Variants in THTPA observed in about 807,000 individuals in gnomAD.
The protein encoded by THTPA is thiamine triphosphatase.
THTPA carries 16 observed loss-of-function variants against 16.5 expected under a neutral mutation model. The ratio of observed to expected loss-of-function variants is 0.97; its 90% confidence interval spans 0.66 to 1.47. The LOEUF (loss-of-function observed/expected upper bound fraction) is 1.47. THTPA is among the 40% of genes most tolerant of loss of function. The probability of loss-of-function intolerance (pLI) is 0.00; values close to 1 mark genes in which losing one functional copy is unlikely to be tolerated. For missense variants in THTPA, 281 were observed against 280.9 expected, an observed-to-expected ratio of 1.00 and a Z score of 0.00; for synonymous variants, 110 against 115.5, an observed-to-expected ratio of 0.95 and a Z score of 0.30.
the THTPA span, chr14:23,525,628 A>C: frequency 8.5e-6 from 13 of 1,535,824 alleles, no homozygotes; most frequent in South Asian, 1.2e-4. The surrounding 1 kb of genome is among the most constrained non-coding windows in gnomAD (Gnocchi z 5.9). Context: ...CTTTGGCTGC[A>C]GTGCGGGCAG....
chr14:23,559,620 CT>C lies in THTPA; in HGVS notation c.*781del, dbSNP rs959520071. 2.7e-6 allele frequency: 2 copies of C among 745,778 alleles called. No homozygotes were observed. The highest frequency in any genetic ancestry group is 3.5e-5 in the African/African-American group (2 of 57,032). 46.2% of individuals were successfully genotyped at this position (745,778 alleles called of 1,614,324 possible). On this transcript the variant is annotated 3_prime_UTR_variant, in exon 2 of 2. Coordinates refer to ENST00000288014, the MANE Select transcript of THTPA (RefSeq NM_024328.6). ...GGGCTTTATTTGTGGGAGAAGGGGG[CT>C]GGTCCCCAGTTTTTGCAGTGCAAAG...
upstream of THTPA, among the ~76,000 whole-genome samples, chr14:23,551,862 C>T (rs574738456): frequency 5.4e-4 from 83 of 152,344 alleles, no homozygotes; most frequent in African/African-American, 1.6e-3. This position sits in a 1 kb window ranked among gnomAD's most constrained non-coding sequence, Gnocchi z 5.3. Flanking sequence ...TCGCGCCCGC[C>T]CGCCTGCCTC....
the THTPA span, chr14:23,533,451 G>T: frequency 1.3e-6 from 2 of 1,533,680 alleles, no homozygotes; most frequent in Non-Finnish European, 1.7e-6. The surrounding 1 kb of genome is among the most constrained non-coding windows in gnomAD (Gnocchi z 4.8). Flanking sequence ...GGGGGCTAGT[G>T]GGGGTAGCCC....
chr14:23,557,337 G>C (rs1205060850), intron 1 of THTPA, 33 bp downstream of exon 1: 1 of 1,532,102 alleles, frequency 6.5e-7, no homozygotes, highest in Non-Finnish European at 8.7e-7. Context: ...TGCTTTTCCT[G>C]CTCCCCACTT....
the THTPA span, among the ~76,000 whole-genome samples, chr14:23,539,667 C>T: frequency 6.6e-6 from 1 of 152,186 alleles, no homozygotes; most frequent in Non-Finnish European, 1.5e-5. Flanking sequence ...GCCGGCAGAA[C>T]TGGAGGCAAA....
the THTPA span, chr14:23,514,570 C>T: frequency 6.6e-6 from 1 of 152,496 alleles, no homozygotes; most frequent in East Asian, 1.9e-4. Flanking sequence ...GTACCTTCCT[C>T]TCCTCCCCCT....
Position 23,556,383 on chromosome 14 carries a change from A to C in THTPA, c.-375A>C. On this transcript the variant is annotated 5_prime_UTR_variant, in exon 1 of 2. Transcript: ENST00000288014. ...TCCGCTGGCCGGTAGTGTAGCAGGA[A>C]AGGGCAGGTCCTCCCGGGTCGTGAG... 1 of 210,256 alleles carries C rather than the reference A, an allele frequency of 4.8e-6. No homozygotes were observed. The highest frequency in any genetic ancestry group is 9.6e-6 in the Non-Finnish European group (1 of 103,810). 13.0% of individuals were successfully genotyped at this position (210,256 alleles called of 1,614,324 possible). A position where few individuals can be genotyped will look rare whatever the true frequency, so the allele number is the denominator to read the frequency against.
chr14:23,527,109 C>T, the THTPA span: 1 of 1,311,950 alleles, frequency 7.6e-7, no homozygotes, highest in Non-Finnish European at 9.9e-7. Flanking sequence ...GAACAAACCT[C>T]CCACCTAATT....
the THTPA span, chr14:23,523,277 C>A: frequency 7.7e-6 from 11 of 1,437,132 alleles, no homozygotes; most frequent in South Asian, 1.3e-4. This position sits in a 1 kb window ranked among gnomAD's most constrained non-coding sequence, Gnocchi z 4.1. Context: ...CGGCGCCAGG[C>A]GAGGCAAGGT....
chr14:23,535,649 A>G, the THTPA span, among the ~76,000 whole-genome samples: 27 of 151,914 alleles, frequency 1.8e-4, no homozygotes, highest in African/African-American at 6.5e-4. This position sits in a 1 kb window ranked among gnomAD's most constrained non-coding sequence, Gnocchi z 4.5. Context: ...ATGGAGTGCA[A>G]TGGCGTGATC....
the THTPA span, among the ~76,000 whole-genome samples, chr14:23,549,718 A>G: frequency 6.6e-6 from 1 of 152,218 alleles, no homozygotes; most frequent in Non-Finnish European, 1.5e-5. Context: ...CAAAGTTGAC[A>G]GTTAACTGAC....
chr14:23,532,921 C>G, the THTPA span: 10 of 1,536,194 alleles, frequency 6.5e-6, no homozygotes, highest in Non-Finnish European at 8.7e-6. Flanking sequence ...AGTGGTAGAG[C>G]AGCAGCTCCA....
At chr14:23,518,581 C>T in the THTPA span, among the ~76,000 whole-genome samples, 1 of 152,304 alleles carries the variant, frequency 6.6e-6, no homozygotes, top group East Asian at 1.9e-4. The surrounding 1 kb of genome is among the most constrained non-coding windows in gnomAD (Gnocchi z 4.5). Flanking sequence ...TGGTTTAGAG[C>T]AAAAATAGCC....
the THTPA span, chr14:23,529,724 C>T: frequency 1.3e-6 from 2 of 1,536,226 alleles, no homozygotes; most frequent in Non-Finnish European, 1.7e-6. Context: ...GTCTGGTTGG[C>T]ACTGTCTCTG....
the THTPA span, chr14:23,533,494 C>A: frequency 2.6e-6 from 4 of 1,535,904 alleles, no homozygotes; most frequent in East Asian, 9.8e-5. This position sits in a 1 kb window ranked among gnomAD's most constrained non-coding sequence, Gnocchi z 4.8. Flanking sequence ...CCCCATCAAT[C>A]CAGGTGGCAG....
At chr14:23,545,690 A>C in the THTPA span, among the ~76,000 whole-genome samples, 3 of 152,356 alleles carry the variant, frequency 2.0e-5, no homozygotes, top group East Asian at 5.8e-4. Flanking sequence ...GAAGAAAGGC[A>C]TCTGTGGCCC....
At chr14:23,557,487 C>T (rs559575655) in intron 1 of THTPA, among the ~76,000 whole-genome samples, 183 bp downstream of exon 1, 1 of 152,274 alleles carries the variant, frequency 6.6e-6, no homozygotes, top group South Asian at 2.1e-4. Context: ...TTGCCTGCCT[C>T]GGCCTTCCAA....
chr14:23,522,792 C>A, the THTPA span: 1 of 1,536,320 alleles, frequency 6.5e-7, no homozygotes, highest in South Asian at 1.2e-5. Context: ...GGGCCTGGGA[C>A]AGGGTCAGTG....
the THTPA span, among the ~76,000 whole-genome samples, chr14:23,515,325 A>G: frequency 6.6e-6 from 1 of 152,220 alleles, no homozygotes; most frequent in Admixed American, 6.5e-5. Context: ...TAAAAGGTCC[A>G]TATTCAATAA....
Sources: gnomAD v4.1 joint callset for allele counts (sites outside exome capture counted in the v4.1 genomes callset) on GRCh38, gnomAD v4.1.1 for gene constraint, Gnocchi (gnomAD v3.1) non-coding constraint, MANE v1.5 for transcripts, NCBI Gene and HGNC (gene_info 2026-07-23, HGNC 2026-07-21) for gene names.